Variants in ESPNL observed in about 807,000 individuals in gnomAD.
ESPNL encodes the protein espin-like protein.
A neutral mutation model predicts 46.8 loss-of-function variants in ESPNL; 49 were observed. The ratio of observed to expected loss-of-function variants is 1.05; its 90% CI spans 0.83 to 1.33. ESPNL has a LOEUF of 1.33. Among genes scored for constraint, ESPNL ranks in the 40% most tolerant of loss-of-function variants. The probability of loss-of-function intolerance (pLI) is 0.00; values close to 1 mark genes in which losing one functional copy is unlikely to be tolerated. For missense variants in ESPNL, 1,540 were observed against 1,436.6 expected (o/e 1.07, Z -1.16); for synonymous variants, 664 against 662.1 (o/e 1.00, Z -0.04).
rs1559270134 is a variant in ESPNL at position 238,130,924 on chromosome 2, G to GC, written c.2211dup (p.Lys738GlnfsTer225). The GC allele has an allele frequency of 3.7e-5, 58 of 1,548,746 alleles. No homozygotes were observed. The highest frequency in any genetic ancestry group is 5.0e-5 in the Non-Finnish European group (57 of 1,147,276). The stretch of plus-strand genomic sequence containing the variant: ...GCCGGCCCAGACCTGGCCAGCCTGC[G>GC]CAAGGAGCGCATCATCATGCTCTTC... On this transcript the variant is annotated frameshift_variant, in exon 9 of 9. Transcript: ENST00000343063. LOFTEE classifies it low-confidence loss of function (END_TRUNC).
chr2:238,130,308 C>T lies in ESPNL; in HGVS notation c.1594C>T (p.Arg532Trp), dbSNP rs147767227. Residue 532 changes from arginine to tryptophan, a missense_variant, in exon 9 of 9, where the codon CGG (arginine) becomes TGG (tryptophan). Coordinates refer to ENST00000343063, the MANE Select transcript of ESPNL (RefSeq NM_194312.4). ...TCAGGAGTATGAGAGTGAGCTGGGC[C>T]GGTTGGCGGCTGAGCTGCAGGCCCT... ...RCQEYESELGRLAAELQALLP... is the reference protein window; with the variant it reads ...RCQEYESELGWLAAELQALLP... The T allele has an allele frequency of 1.8e-5, 29 of 1,606,262 alleles. No individual in the cohort carries two copies. Among genetic ancestry groups the T allele is most frequent in the South Asian group, 3.3e-5 (3 of 90,044 alleles).
intron 6 of ESPNL, among the ~76,000 whole-genome samples, chr2:238,126,030 GTGTC>G (rs759163582): frequency 2.2e-4 from 32 of 145,712 alleles, no homozygotes; most frequent in Middle Eastern, 3.4e-3. Flanking sequence ...CTGTGTCTGT[GTGTC>G]TGTGTGATTA....
At chr2:238,122,438 G>T (rs1229544305) in intron 5 of ESPNL, among the ~76,000 whole-genome samples, 1 of 152,176 alleles carries the variant, frequency 6.6e-6, no homozygotes, top group Non-Finnish European at 1.5e-5. Context: ...TGATTTACAG[G>T]TGAAGAAATG....
chr2:238,101,210 A>G (rs973511148), intron 1 of ESPNL, among the ~76,000 whole-genome samples: 1 of 152,112 alleles, frequency 6.6e-6, no homozygotes, highest in Non-Finnish European at 1.5e-5. Context: ...CGAGGCCCTT[A>G]GAGCTGTCGC....
chr2:238,127,961 C>G (rs535612354), intron 7 of ESPNL, among the ~76,000 whole-genome samples: 210 of 152,296 alleles, frequency 1.4e-3, no homozygotes, highest in African/African-American at 4.9e-3. Flanking sequence ...ACACGGGGAC[C>G]CTTCTCTGTT....
At position 238,130,673 on chromosome 2, in the gene ESPNL, G is replaced by A; in HGVS notation, c.1959G>A (p.Arg653=). ...RQIQEWGVSV[R]TLRGNFESAS... is the part of the protein sequence containing the mutation. ...TCCAGGAGTGGGGGGTGTCTGTGCG[G>A]ACGCTGCGGGGCAACTTCGAGTCGG... Residue 653 remains arginine (R), a synonymous_variant, in exon 9 of 9, where the codon CGG becomes CGA. Transcript: ENST00000343063. 1 of 1,561,698 alleles carries A rather than the reference G, an allele frequency of 6.4e-7. No individual in the cohort carries two copies. The highest frequency in any genetic ancestry group is 8.7e-7 in the Non-Finnish European group (1 of 1,153,742).
intron 5 of ESPNL, among the ~76,000 whole-genome samples, chr2:238,123,317 G>A (rs1278453237): frequency 6.6e-6 from 1 of 152,232 alleles, no homozygotes; most frequent in Non-Finnish European, 1.5e-5. Context: ...GGCACTGGAG[G>A]GAGCAAAGAC....
intron 8 of ESPNL, among the ~76,000 whole-genome samples, chr2:238,129,601 C>A (rs1205166897): frequency 1.3e-5 from 2 of 152,172 alleles, no homozygotes; most frequent in African/African-American, 4.8e-5. Flanking sequence ...TTAACAGGCT[C>A]CCCGGGCTGC....
At chr2:238,118,833 G>T (rs1691898380) in intron 5 of ESPNL, among the ~76,000 whole-genome samples, 1 of 138,744 alleles carries the variant, frequency 7.2e-6, no homozygotes. Context: ...ATGGATGGAG[G>T]AGGGTGGAAG....
chr2:238,127,111 A>ATTGTGTC (rs548191600), intron 6 of ESPNL, among the ~76,000 whole-genome samples: 1,434 of 69,196 alleles, frequency 0.021, 10 homozygotes, highest in Middle Eastern at 0.07. Flanking sequence ...TCTGTATGTG[A>ATTGTGTC]TGTGATTGTG....
In ESPNL at chr2:238,130,933, GCAT is replaced by G. The variant is rs1408407051; in HGVS notation, c.2226_2228del (p.Ile742del). On this transcript the variant is annotated inframe_deletion, in exon 9 of 9. Coordinates refer to ENST00000343063, the MANE Select transcript of ESPNL (RefSeq NM_194312.4). ...GACCTGGCCAGCCTGCGCAAGGAGC[GCAT>G]CATCATGCTCTTCCTCAGCCACTGG... 4 of 1,549,278 alleles carry G rather than the reference GCAT, an allele frequency of 2.6e-6. No homozygotes were observed. Among genetic ancestry groups the G allele is most frequent in the African/African-American group, 1.4e-5 (1 of 73,258 alleles).
At chr2:238,116,754 C>G (rs762835292) in intron 4 of ESPNL, 149 bp from the exon 5 acceptor site, 2 of 1,048,616 alleles carry the variant, frequency 1.9e-6, no homozygotes, top group Non-Finnish European at 2.8e-6. Flanking sequence ...TCTCTGGCAC[C>G]CCACGGCCCA....
chr2:238,114,663 C>T lies in ESPNL; in HGVS notation c.856-2240C>T, dbSNP rs868813869. 3.9e-5 allele frequency among the ~76,000 whole-genome samples: 6 copies of T among 152,208 alleles called. No homozygotes were observed. Among genetic ancestry groups the T allele is most frequent in the South Asian group, 2.1e-4 (1 of 4,836 alleles). On this transcript the variant is annotated intron_variant, in intron 4 of 8. Coordinates refer to ENST00000343063, the MANE Select transcript of ESPNL (RefSeq NM_194312.4). This position sits in a 1 kb window ranked among gnomAD's most constrained non-coding sequence, Gnocchi z 5.0. Reference sequence around the variant, plus strand: ...CTGGTTCAAGCCTCCCAGCAGCCCCCGGGGAAGGGGTGTGCGCACGCCTGA... The same window carrying T: ...CTGGTTCAAGCCTCCCAGCAGCCCCTGGGGAAGGGGTGTGCGCACGCCTGA...
chr2:238,123,515 C>T (rs1692032753), intron 5 of ESPNL, among the ~76,000 whole-genome samples: 3 of 152,174 alleles, frequency 2.0e-5, no homozygotes, highest in Admixed American at 2.0e-4. Flanking sequence ...AGGTCCCCTT[C>T]CATCTCCCAG....
chr2:238,127,381 C>A, intron 6 of ESPNL: 1 of 1,287,064 alleles, frequency 7.8e-7, no homozygotes, highest in African/African-American at 1.5e-5. Flanking sequence ...GGGGCCGCGG[C>A]GTGGCCCAGC....
At chr2:238,128,572 C>G in intron 7 of ESPNL, 135 bp from the exon 8 acceptor site, 2 of 747,858 alleles carry the variant, frequency 2.7e-6, no homozygotes, top group South Asian at 1.8e-5. Flanking sequence ...GTCCGTGGCC[C>G]CCACTGTCCC....
chr2:238,102,271 TGAGCTGGCAG>T, intron 2 of ESPNL, 140 bp downstream of exon 2: 1 of 772,774 alleles, frequency 1.3e-6, no homozygotes, highest in Non-Finnish European at 2.0e-6. Flanking sequence ...ACTGTGGGGG[TGAGCTGGCAG>T]GAGCCAAGGG....
intron 5 of ESPNL, among the ~76,000 whole-genome samples, chr2:238,122,258 G>A (rs1273508709): frequency 6.6e-6 from 1 of 152,214 alleles, no homozygotes; most frequent in Non-Finnish European, 1.5e-5. Context: ...GGGAGCCAGG[G>A]GTGTGGTTAC....
Position 238,131,037 on chromosome 2 carries a change from GGCCAGGAGGCC to G in ESPNL, c.2332_2342del (p.Ala778ProfsTer181). Reference sequence around the variant, plus strand: ...AGGAGCCCGCCACGCGGGGTTGCGGGGCCAGGAGGCCGCCAGGAGCCCTGGGCCACCCTCCC... The same window carrying G: ...AGGAGCCCGCCACGCGGGGTTGCGGGGCCAGGAGCCCTGGGCCACCCTCCC... On this transcript the variant is annotated frameshift_variant, in exon 9 of 9. Coordinates refer to ENST00000343063, the MANE Select transcript of ESPNL (RefSeq NM_194312.4). LOFTEE classifies it low-confidence loss of function (END_TRUNC). 1.3e-6 allele frequency: 2 copies of G among 1,538,248 alleles called. No homozygotes were observed. Among genetic ancestry groups the G allele is most frequent in the Non-Finnish European group, 1.7e-6 (2 of 1,143,266 alleles).
Sources: allele counts gnomAD v4.1 joint callset (sites outside exome capture counted in the v4.1 genomes callset), GRCh38; gene constraint gnomAD v4.1.1; non-coding constraint Gnocchi (gnomAD v3.1); transcripts MANE v1.5; gene names NCBI Gene and HGNC (gene_info 2026-07-23, HGNC 2026-07-21).